JADE2: variants seen among roughly 807,000 people sequenced by gnomAD.
JADE2 encodes E3 ubiquitin-protein ligase Jade-2.
In JADE2, 13 loss-of-function variants were observed where a neutral mutation model predicts 85.7. The ratio of observed to expected loss-of-function variants is 0.15; its 90% confidence interval spans 0.10 to 0.24. The LOEUF (loss-of-function observed/expected upper bound fraction) is 0.24. Ranked by LOEUF, JADE2 falls within the 10% of genes least tolerant of loss-of-function variation. The pLI is 1.00. For missense variants in JADE2, 846 were observed against 1,115.9 expected (o/e 0.76, Z 3.45); for synonymous variants, 440 against 456.1 (o/e 0.96, Z 0.45).
chr5:134,567,452 AC>A (rs1440904937), intron 9 of JADE2, among the ~76,000 whole-genome samples: 2 of 151,912 alleles, frequency 1.3e-5, no homozygotes, highest in African/African-American at 4.8e-5. Flanking sequence ...AGTCCTCTGA[AC>A]CCCACAGGCT....
At chr5:134,565,825 T>TC (rs1763606813) in intron 8 of JADE2, among the ~76,000 whole-genome samples, 1 of 65,742 alleles carries the variant, frequency 1.5e-5, no homozygotes, top group African/African-American at 4.9e-5. Context: ...AGACTCTGTC[T>TC]CAAAAAAAAA....
At chr5:134,535,463 A>G (rs1761528182) in intron 1 of JADE2, among the ~76,000 whole-genome samples, 1 of 151,500 alleles carries the variant, frequency 6.6e-6, no homozygotes, top group Non-Finnish European at 1.5e-5. Context: ...CTACCCACCT[A>G]CCTCCCTAGA....
chr5:134,576,341 G>T (rs559521850), intron 10 of JADE2, among the ~76,000 whole-genome samples: 1 of 152,074 alleles, frequency 6.6e-6, no homozygotes, highest in Non-Finnish European at 1.5e-5. Context: ...ACTGGTTCAG[G>T]GTTGCTGACC....
chr5:134,533,479 C>A (rs916575816), intron 1 of JADE2: 57 of 943,562 alleles, frequency 6.0e-5, no homozygotes, highest in Non-Finnish European at 6.8e-5. Flanking sequence ...AGGATTTGAA[C>A]CCATCAACAA....
intron 5 of JADE2, among the ~76,000 whole-genome samples, chr5:134,560,359 TAATGTGTCCC>T (rs1763248553): frequency 6.6e-6 from 1 of 152,004 alleles, no homozygotes; most frequent in Admixed American, 6.6e-5. Context: ...TGGAGCCCAA[TAATGTGTCCC>T]AGGAAGGGTT....
intron 3 of JADE2, among the ~76,000 whole-genome samples, chr5:134,539,787 T>A (rs1156507467): frequency 6.6e-6 from 1 of 152,204 alleles, no homozygotes. Flanking sequence ...ACAGATGCAG[T>A]CCTGGCTCCA....
rs564499865 is a variant in JADE2, at chr5:134,542,874, C to T, written c.153+4791C>T. ...CAGCCTCCCGAATAGCTGGGACTAC[C>T]GGCACTTGCCACCATGCCGGGCTAA... On this transcript the variant is annotated intron_variant, in intron 3 of 11. Coordinates refer to ENST00000681547, the MANE Select transcript of JADE2 (RefSeq NM_001388185.1). 9.3e-5 allele frequency among the ~76,000 whole-genome samples: 14 copies of T among 151,322 alleles called. No homozygotes were observed. The East Asian group carries it at 2.0e-3, about 21-fold the overall frequency.
intron 9 of JADE2, among the ~76,000 whole-genome samples, chr5:134,571,222 G>A (rs913887557): frequency 3.9e-5 from 6 of 152,218 alleles, no homozygotes; most frequent in Non-Finnish European, 7.3e-5. Context: ...AGTAGATCAA[G>A]GGCCCACCCT....
rs1160758941 is a variant in JADE2 at position 134,531,883 on chromosome 5, C to CTT, written c.1-3946_1-3945dup. 6.5e-4 allele frequency among the ~76,000 whole-genome samples: 25 copies of CTT among 38,480 alleles called. 3 individuals carry two copies. The highest frequency in any genetic ancestry group is 8.2e-4 in the African/African-American group (8 of 9,748). The allele number at this position is 38,480 out of a possible 152,430, so 25.2% of individuals were successfully genotyped here. On this transcript the variant is annotated intron_variant, in intron 1 of 11. Coordinates refer to ENST00000681547, the MANE Select transcript of JADE2 (RefSeq NM_001388185.1). ...TATAAGGATGAGCCACCGTGCCTGG[C>CTT]TTTTTTTTTTTTTTTTTTTTTTTTT...
At chr5:134,557,808 C>G (rs1333366135) in intron 4 of JADE2, among the ~76,000 whole-genome samples, 1 of 4,974 alleles carries the variant, frequency 2.0e-4, no homozygotes, top group African/African-American at 8.7e-4. Flanking sequence ...GGTTCCAAGT[C>G]TTTGCTATTG....
At chr5:134,553,129 A>C (rs544309267) in intron 4 of JADE2, among the ~76,000 whole-genome samples, 4 of 149,912 alleles carry the variant, frequency 2.7e-5, no homozygotes, top group African/African-American at 9.8e-5. Flanking sequence ...GCCACCACAC[A>C]TGGCTAATTT....
chr5:134,528,486 A>G (rs1466432430), intron 1 of JADE2, among the ~76,000 whole-genome samples: 1 of 152,162 alleles, frequency 6.6e-6, no homozygotes, highest in Non-Finnish European at 1.5e-5. Flanking sequence ...AATAAAGCTG[A>G]CCCAGGCAGG....
chr5:134,532,174 C>T (rs188255025), intron 1 of JADE2, among the ~76,000 whole-genome samples: 24 of 147,166 alleles, frequency 1.6e-4, no homozygotes, highest in Admixed American at 1.3e-3. Flanking sequence ...TGTGAGTCAC[C>T]GCACCCCGAC....
Position 134,566,176 on chromosome 5 carries a change from G to C in JADE2, c.1030G>C (p.Glu344Gln). The change falls in exon 9 of 12, where the codon GAA (glutamate) becomes CAA (glutamine). Residue 344 changes from glutamate (E) to glutamine (Q), a missense_variant. By Grantham distance (29) the Glu-to-Gln change is conservative (BLOSUM62 2). This residue lies in a region of JADE2 where 39 missense variants were observed against 37.6 expected (regional missense o/e 1.04). Transcript: ENST00000681547. This position sits in a 1 kb window ranked among gnomAD's most constrained non-coding sequence, Gnocchi z 6.7. Reference protein sequence around the residue: ...HVTCAFDHGLEMRTILADNDE... With the variant: ...HVTCAFDHGLQMRTILADNDE... ...CACATGCGCCTTTGACCACGGCCTG[G>C]AAATGCGGACTATATTAGCAGACAA... is the stretch of plus-strand genomic sequence containing the variant. The C allele has an allele frequency of 6.2e-7, 1 of 1,614,086 alleles. No homozygotes were observed. Among genetic ancestry groups the C allele is most frequent in the Admixed American group, 1.7e-5 (1 of 60,018 alleles).
chr5:134,529,868 C>A (rs931525742), intron 1 of JADE2, among the ~76,000 whole-genome samples: 2 of 152,244 alleles, frequency 1.3e-5, no homozygotes, highest in Non-Finnish European at 2.9e-5. Context: ...TTCATTCTCC[C>A]ACCATCCCCT....
Position 134,562,173 on chromosome 5 carries a change from A to T in JADE2, c.685-27A>T, listed in dbSNP as rs1763365571. On this transcript the variant is annotated intron_variant, in intron 6 of 11. Transcript: ENST00000681547. This position sits in a 1 kb window ranked among gnomAD's most constrained non-coding sequence, Gnocchi z 4.6. ...AGACACAGATTGGCCAGTTCCGCTGACTCATGACCACCCTGCTCTCTCCTA... is the reference window on the plus strand; with the variant it reads ...AGACACAGATTGGCCAGTTCCGCTGTCTCATGACCACCCTGCTCTCTCCTA... 1.9e-6 allele frequency: 3 copies of T among 1,576,932 alleles called. No individual in the cohort carries two copies. In the East Asian group the frequency reaches 6.7e-5, roughly 35 times the overall value.
intron 3 of JADE2, among the ~76,000 whole-genome samples, chr5:134,542,418 A>G (rs1179292960): frequency 2.1e-5 from 3 of 142,498 alleles, no homozygotes; most frequent in Non-Finnish European, 4.6e-5. Context: ...CTGGAGTAGC[A>G]CCCTAGGTAC....
chr5:134,540,012 G>T (rs1761873450), intron 3 of JADE2, among the ~76,000 whole-genome samples: 1 of 151,990 alleles, frequency 6.6e-6, no homozygotes, highest in Admixed American at 6.5e-5. Flanking sequence ...TGGGAATGCT[G>T]TTAAGAGAGG....
chr5:134,566,892 A>T lies in JADE2; in HGVS notation c.1434+312A>T, dbSNP rs571922452. On this transcript the variant is annotated intron_variant, in intron 9 of 11. Coordinates refer to ENST00000681547, the MANE Select transcript of JADE2 (RefSeq NM_001388185.1). This position sits in a 1 kb window ranked among gnomAD's most constrained non-coding sequence, Gnocchi z 6.7. ...AAGGTCATGAGGCTGAGAGCACCAGAGCTAGGGCGAGGACCTAGGCTTCTG... is the reference window on the plus strand; with the variant it reads ...AAGGTCATGAGGCTGAGAGCACCAGTGCTAGGGCGAGGACCTAGGCTTCTG... Among the ~76,000 whole-genome samples, 1 of 152,314 alleles carries T rather than the reference A, an allele frequency of 6.6e-6. No individual in the cohort carries two copies. The highest frequency in any genetic ancestry group is 2.4e-5 in the African/African-American group (1 of 41,568).
Sources: allele counts gnomAD v4.1 joint callset (sites outside exome capture counted in the v4.1 genomes callset), GRCh38; gene constraint gnomAD v4.1.1; regional missense constraint gnomAD v4.1.1; non-coding constraint Gnocchi (gnomAD v3.1); transcripts MANE v1.5; gene names NCBI Gene and HGNC (gene_info 2026-07-23, HGNC 2026-07-21).